The following CMTR1 variants were observed in gnomAD, a reference collection of about 807,000 sequenced individuals.
CMTR1 encodes the protein cap-specific mRNA (nucleoside-2'-O-)-methyltransferase 1.
A neutral mutation model predicts 107.0 loss-of-function variants in CMTR1; 39 were observed. That is an observed-to-expected ratio of 0.36 (90% confidence interval 0.28 to 0.48). The LOEUF is 0.48. CMTR1 is among the 20% of genes least tolerant of loss of function. The pLI is 0.99. For synonymous variants in CMTR1, 366 were observed against 379.5 expected (o/e 0.96, Z 0.41); for missense variants, 672 against 1,064.9 (o/e 0.63, Z 5.14).
At chr6:37,463,570 G>A (rs570124648) in intron 13 of CMTR1, among the ~76,000 whole-genome samples, 1 of 152,182 alleles carries the variant, frequency 6.6e-6, no homozygotes, top group South Asian at 2.1e-4. Context: ...CAGTGGGCAG[G>A]CCTTTGAAAA....
rs947046870 is a variant in CMTR1, at chr6:37,480,280, G to A, written c.*135G>A. 107 of 1,467,828 alleles carry A rather than the reference G, an allele frequency of 7.3e-5. No individual in the cohort carries two copies. The highest frequency in any genetic ancestry group is 9.2e-5 in the Non-Finnish European group (104 of 1,126,386). 90.9% of individuals were successfully genotyped at this position (1,467,828 alleles called of 1,614,324 possible). ...ATTGCACCTGGCATGAGGAGTGGGT[G>A]GCCTCCTCTCCATCCCCTGAAGAGC... On this transcript the variant is annotated 3_prime_UTR_variant, in exon 24 of 24. Coordinates refer to ENST00000373451, the MANE Select transcript of CMTR1 (RefSeq NM_015050.3).
In CMTR1 at chr6:37,458,303, C is replaced by G. The variant is rs1249785406; in HGVS notation, c.778-309C>G. Among the ~76,000 whole-genome samples the G allele has an allele frequency of 6.6e-6, 1 of 152,186 alleles. No homozygotes were observed. Among genetic ancestry groups the G allele is most frequent in the Admixed American group, 6.5e-5 (1 of 15,282 alleles). ...ACCCCTGACCTCAGGCTATCTGCCTCTCTGGCCTCCCAAAGTGCTGGGATT... is the reference window on the plus strand; with the variant it reads ...ACCCCTGACCTCAGGCTATCTGCCTGTCTGGCCTCCCAAAGTGCTGGGATT... On this transcript the variant is annotated intron_variant, in intron 8 of 23. Coordinates refer to ENST00000373451, the MANE Select transcript of CMTR1 (RefSeq NM_015050.3). This position sits in a 1 kb window ranked among gnomAD's most constrained non-coding sequence, Gnocchi z 4.7.
intron 2 of CMTR1, among the ~76,000 whole-genome samples, chr6:37,439,598 A>G (rs1771621061): frequency 6.6e-6 from 1 of 152,252 alleles, no homozygotes; most frequent in Non-Finnish European, 1.5e-5. Flanking sequence ...TATCTGTTTA[A>G]ATTGCTCTAA....
At chr6:37,465,845 T>C (rs1015700845) in intron 13 of CMTR1, among the ~76,000 whole-genome samples, 8 of 140,622 alleles carry the variant, frequency 5.7e-5, no homozygotes, top group Non-Finnish European at 1.2e-4. Flanking sequence ...GTTGTTGTTG[T>C]TGAACTGTAG....
intron 13 of CMTR1, among the ~76,000 whole-genome samples, chr6:37,465,007 C>T (rs886359684): frequency 1.7e-4 from 25 of 150,784 alleles, no homozygotes; most frequent in Non-Finnish European, 2.9e-4. Context: ...CGGTGGCTCA[C>T]GCCTGTAATC....
At chr6:37,429,402 G>T (rs920047158), upstream of CMTR1, among the ~76,000 whole-genome samples, 11 of 152,102 alleles carry the variant, frequency 7.2e-5, no homozygotes, top group Non-Finnish European at 1.6e-4. Flanking sequence ...AAGTGTTGTT[G>T]AAAGAAAAAC....
rs753642133 is a variant in CMTR1, at chr6:37,481,154, G to A, written c.*1009G>A. On this transcript the variant is annotated 3_prime_UTR_variant, in exon 24 of 24. Transcript: ENST00000373451. ...ATCTGCTTTTGTTTGTCGTTAAGTG[G>A]TCACTCCCATTTCCTTTATCTTGGC... is the stretch of plus-strand genomic sequence containing the variant. 5.4e-5 allele frequency: 71 copies of A among 1,303,496 alleles called. No homozygotes were observed. The South Asian group carries it at 8.6e-4, about 16-fold the overall frequency. The allele number at this position is 1,303,496 out of a possible 1,614,324, so 80.7% of individuals were successfully genotyped here.
chr6:37,454,780 C>G (rs1026728690), intron 8 of CMTR1, among the ~76,000 whole-genome samples: 1 of 152,166 alleles, frequency 6.6e-6, no homozygotes, highest in Non-Finnish European at 1.5e-5. Context: ...CTATGCTTCA[C>G]TATAAAAAAA....
chr6:37,451,723 T>TA (rs1761175858), intron 5 of CMTR1, 83 bp from the exon 6 acceptor site: 2 of 1,013,454 alleles, frequency 2.0e-6, no homozygotes, highest in Admixed American at 3.6e-5. Context: ...TTGCTCTACT[T>TA]ACTTGGAACC....
intron 8 of CMTR1, among the ~76,000 whole-genome samples, chr6:37,457,527 C>T (rs1478562621): frequency 6.6e-6 from 1 of 152,100 alleles, no homozygotes; most frequent in African/African-American, 2.4e-5. Flanking sequence ...AGAAAAAGAA[C>T]ATTAGTGAAA....
At chr6:37,425,486 G>C in the CMTR1 span, among the ~76,000 whole-genome samples, 3 of 151,564 alleles carry the variant, frequency 2.0e-5, no homozygotes, top group South Asian at 6.3e-4. Context: ...AGTAGAGACG[G>C]GGTTGTACCA....
At chr6:37,466,325 A>G (rs1161604474) in intron 13 of CMTR1, among the ~76,000 whole-genome samples, 18 of 151,688 alleles carry the variant, frequency 1.2e-4, no homozygotes, top group Non-Finnish European at 1.5e-5. Context: ...GTTGGCCAGG[A>G]TGGTCTCGAT....
intron 22 of CMTR1, among the ~76,000 whole-genome samples, chr6:37,478,784 A>G (rs894242407): frequency 1.3e-5 from 2 of 152,130 alleles, no homozygotes; most frequent in Non-Finnish European, 2.9e-5. Context: ...ATGGCAGGAA[A>G]AGGGCCTTCT....
rs777766533 is a variant in CMTR1 at position 37,472,164 on chromosome 6, T to C, written c.1621-255T>C. ...GGTGGGCCGGTGTCAGTTTTGCAAC[T>C]GGTGGCCCCTTGTAGCAGCACTGAC... is the stretch of plus-strand genomic sequence containing the variant. On this transcript the variant is annotated intron_variant, in intron 15 of 23. Transcript: ENST00000373451. The surrounding 1 kb of genome is among the most constrained non-coding windows in gnomAD (Gnocchi z 4.1). 1.4e-4 allele frequency among the ~76,000 whole-genome samples: 21 copies of C among 152,148 alleles called. No homozygotes were observed. Among genetic ancestry groups the C allele is most frequent in the Non-Finnish European group, 2.9e-4 (20 of 68,024 alleles).
Position 37,480,470 on chromosome 6 carries a change from G to C in CMTR1, c.*325G>C. The C allele has an allele frequency of 1.7e-6, 2 of 1,162,444 alleles. No individual in the cohort carries two copies. The highest frequency in any genetic ancestry group is 2.1e-6 in the Non-Finnish European group (2 of 940,956). 72.0% of individuals were successfully genotyped at this position (1,162,444 alleles called of 1,614,324 possible). ...GAGGACATATCAGAGTGGCAGAGCT[G>C]TGGGCTCTGCTGTTCTCTCCTGCAT... On this transcript the variant is annotated 3_prime_UTR_variant, in exon 24 of 24. Coordinates refer to ENST00000373451, the MANE Select transcript of CMTR1 (RefSeq NM_015050.3).
Position 37,456,429 on chromosome 6 carries a change from T to C in CMTR1, c.778-2183T>C, listed in dbSNP as rs1440253982. Among the ~76,000 whole-genome samples the C allele has an allele frequency of 3.9e-5, 6 of 152,228 alleles. No individual in the cohort carries two copies. In the East Asian group the frequency reaches 1.2e-3, roughly 29 times the overall value. On this transcript the variant is annotated intron_variant, in intron 8 of 23. Coordinates refer to ENST00000373451, the MANE Select transcript of CMTR1 (RefSeq NM_015050.3). ...CTGGAGTGGGCTTGTCACGGGATGA[T>C]GACATTTATTTTTAGCTAAAGTCAC...
Position 37,458,906 on chromosome 6 carries a change from C to T in CMTR1, c.976+96C>T, listed in dbSNP as rs1196351374. 8.8e-7 allele frequency: 1 copy of T among 1,141,384 alleles called. No homozygotes were observed. Among genetic ancestry groups the T allele is most frequent in the Admixed American group, 2.1e-5 (1 of 47,648 alleles). The allele number at this position is 1,141,384 out of a possible 1,614,324, so 70.7% of individuals were successfully genotyped here. A position where few individuals can be genotyped will look rare whatever the true frequency, so the allele number is the denominator to read the frequency against. ...AGTTGTTATCCACATGCCATATTTT[C>T]TTTCCTAGGTCTCTTACCCTGGGCT... On this transcript the variant is annotated intron_variant, in intron 9 of 23. Transcript: ENST00000373451. This position sits in a 1 kb window ranked among gnomAD's most constrained non-coding sequence, Gnocchi z 4.7.
At chr6:37,470,919 C>A in intron 13 of CMTR1, 102 bp from the exon 14 acceptor site, 1 of 910,150 alleles carries the variant, frequency 1.1e-6, no homozygotes, top group Non-Finnish European at 1.6e-6. Context: ...GCTCCTTCAC[C>A]AAATATAGAT....
At chr6:37,441,074 A>G (rs767302370) in intron 2 of CMTR1, among the ~76,000 whole-genome samples, 10 of 152,216 alleles carry the variant, frequency 6.6e-5, no homozygotes, top group East Asian at 1.9e-4. Context: ...GGGCTGCCCA[A>G]GAGGAACTTT....
Sources: allele counts gnomAD v4.1 joint callset (sites outside exome capture counted in the v4.1 genomes callset), GRCh38; gene constraint gnomAD v4.1.1; non-coding constraint Gnocchi (gnomAD v3.1); transcripts MANE v1.5; gene names NCBI Gene and HGNC (gene_info 2026-07-23, HGNC 2026-07-21).